Variants in KIDINS220 observed in about 807,000 individuals in gnomAD.
The protein encoded by KIDINS220 is kinase D interacting substrate 220.
A neutral mutation model predicts 157.6 loss-of-function variants in KIDINS220; 63 were observed. The observed-to-expected ratio is 0.40, with a 90% CI of 0.33 to 0.49. KIDINS220 has a LOEUF of 0.49. Among genes scored for constraint, KIDINS220 ranks in the 20% least tolerant of loss-of-function variants. The pLI is 0.66. For missense variants in KIDINS220, 1,772 were observed against 2,171.2 expected (o/e 0.82, Z 3.65); for synonymous variants, 732 against 783.6 (o/e 0.93, Z 1.10).
At chr2:8,732,442 G>A (rs979168275) in intron 29 of KIDINS220, among the ~76,000 whole-genome samples, 2 of 152,170 alleles carry the variant, frequency 1.3e-5, no homozygotes, top group Admixed American at 1.3e-4. Flanking sequence ...TTTATTTAAG[G>A]CCAAAGTCAA....
In KIDINS220 at chr2:8,762,232, T is replaced by A. The variant is rs1179793081; in HGVS notation, c.3011+8438A>T. Among the ~76,000 whole-genome samples the A allele has an allele frequency of 2.6e-5, 4 of 152,234 alleles. No individual in the cohort carries two copies. The East Asian group carries it at 7.7e-4, about 29-fold the overall frequency. On this transcript the variant is annotated intron_variant, in intron 22 of 29. Coordinates refer to ENST00000256707, the MANE Select transcript of KIDINS220 (RefSeq NM_020738.4). ...GAACTTTGGAATGTTCTATATACTTTTTCAATGTTAAATCTTTTAAGATAA... is the reference window on the plus strand; with the variant it reads ...GAACTTTGGAATGTTCTATATACTTATTCAATGTTAAATCTTTTAAGATAA...
At chr2:8,830,505 A>C (rs1256643437) in intron 1 of KIDINS220, among the ~76,000 whole-genome samples, 1 of 152,046 alleles carries the variant, frequency 6.6e-6, no homozygotes, top group African/African-American at 2.4e-5. Context: ...TGCAGCCTTG[A>C]CCTCTAGGGC....
rs190668940 is a variant in KIDINS220, at chr2:8,787,460, C to T, written c.1788-1103G>A. On this transcript the variant is annotated intron_variant, in intron 15 of 29. Transcript: ENST00000256707. ...CTTGGCTCACTGTACCCTCAACCCC[C>T]GAAGCTTAAGCAGTCCTCCCACTTC... Among the ~76,000 whole-genome samples, 68 of 151,876 alleles carry T rather than the reference C, an allele frequency of 4.5e-4. No homozygotes were observed. The East Asian group carries it at 0.012, about 26-fold the overall frequency.
At chr2:8,788,878 GATCAAGT>G in intron 14 of KIDINS220, 66 bp from the exon 15 acceptor site, 6 of 1,426,794 alleles carry the variant, frequency 4.2e-6, no homozygotes, top group Admixed American at 1.8e-5. Flanking sequence ...TTTCTCCAAA[GATCAAGT>G]ATCAAGTAAT....
chr2:8,828,686 A>G (rs1679186280), intron 1 of KIDINS220, among the ~76,000 whole-genome samples: 1 of 152,236 alleles, frequency 6.6e-6, no homozygotes, highest in Admixed American at 6.5e-5. Context: ...GTGCATAAAA[A>G]AAGAAAACTG....
chr2:8,764,629 A>G (rs1457953616), intron 22 of KIDINS220, among the ~76,000 whole-genome samples: 1 of 152,232 alleles, frequency 6.6e-6, no homozygotes, highest in East Asian at 1.9e-4. Flanking sequence ...TGTCCGGCCC[A>G]GGGATATACT....
intron 7 of KIDINS220, among the ~76,000 whole-genome samples, chr2:8,805,186 C>G (rs1675270690): frequency 6.6e-6 from 1 of 152,208 alleles, no homozygotes; most frequent in African/African-American, 2.4e-5. Flanking sequence ...CGCTATGCCA[C>G]CCTCCCAGTA....
Position 8,750,154 on chromosome 2 carries a change from A to G in KIDINS220, c.3372T>C (p.Tyr1124=), listed in dbSNP as rs1419471970. 1 of 1,614,196 alleles carries G rather than the reference A, an allele frequency of 6.2e-7. No individual in the cohort carries two copies. ...GVVSPQPHSS[Y]YSGMTGPQHP... is the part of the protein sequence containing the mutation. ...GCTGAGGGCCCGTCATGCCGCTGTA[A>G]TAGCTGCTGTGAGGCTGTGGTGACA... is the stretch of plus-strand genomic sequence containing the variant. Residue 1124 remains tyrosine, a synonymous_variant, in exon 24 of 30, where the codon TAT becomes TAC. Transcript: ENST00000256707.
intron 1 of KIDINS220, among the ~76,000 whole-genome samples, chr2:8,834,424 C>T (rs1177310932): frequency 1.3e-5 from 2 of 151,762 alleles, no homozygotes; most frequent in African/African-American, 2.4e-5. Context: ...CTCTGACCAC[C>T]GTGTATAAAT....
chr2:8,794,263 A>T (rs1673606689), intron 11 of KIDINS220: 1 of 233,278 alleles, frequency 4.3e-6, no homozygotes, highest in Non-Finnish European at 8.3e-6. Context: ...AGGAGAAGCA[A>T]CAGGCTTTCT....
Position 8,791,154 on chromosome 2 carries a change from A to C in KIDINS220, c.1347T>G (p.Asp449Glu). The change falls in exon 13 of 30, where the codon GAT becomes GAG. Residue 449 changes from aspartate to glutamate, a missense_variant. Physicochemically the swap from Asp to Glu is conservative, Grantham distance 45. Coordinates refer to ENST00000256707, the MANE Select transcript of KIDINS220 (RefSeq NM_020738.4). Reference protein sequence around the residue: ...GYDLYSSALADILSEPTMQPP... With the variant: ...GYDLYSSALAEILSEPTMQPP... ...GCTGCATGGTAGGCTCACTGAGAAT[A>C]TCTGCCAGGGCACTGCTATATAAAT... 1 of 1,614,164 alleles carries C rather than the reference A, an allele frequency of 6.2e-7. No homozygotes were observed.
chr2:8,795,988 CAG>C (rs1157120327), intron 11 of KIDINS220, among the ~76,000 whole-genome samples: 1 of 152,076 alleles, frequency 6.6e-6, no homozygotes, highest in Admixed American at 6.5e-5. Context: ...ATGGTAATGA[CAG>C]GGGGGAGGTG....
In KIDINS220 at chr2:8,776,816, G is replaced by C; in HGVS notation, c.2780C>G (p.Thr927Ser). The C allele has an allele frequency of 4.3e-6, 7 of 1,614,012 alleles. No individual in the cohort carries two copies. Among genetic ancestry groups the C allele is most frequent in the Non-Finnish European group, 5.1e-6 (6 of 1,179,952 alleles). ...MSFDLTKLLV[T>S]EDWFSDISPQ... ...ACTGATGTCACTGAACCAGTCCTCG[G>C]TAACCAGCAGTTTTGTAAGATCAAA... Residue 927 changes from threonine to serine, a missense_variant, in exon 21 of 30, where the codon ACC becomes AGC. By Grantham distance (58) the Thr-to-Ser change is moderately conservative. Around this residue, in one of 3 missense-constraint regions of KIDINS220, gnomAD observed 725 missense variants for 1,017.1 expected, o/e 0.71. Coordinates refer to ENST00000256707, the MANE Select transcript of KIDINS220 (RefSeq NM_020738.4).
At position 8,818,615 on chromosome 2, in the gene KIDINS220, CT is replaced by C. The variant is rs1345203644; in HGVS notation, c.207+79del. On this transcript the variant is annotated intron_variant, in intron 3 of 29. Coordinates refer to ENST00000256707, the MANE Select transcript of KIDINS220 (RefSeq NM_020738.4). ...ATATATGTAAAAGTTTTAATTACTA[CT>C]TTTGAATCACTTCTGAAAAACAAAA... 1.7e-5 allele frequency: 13 copies of C among 762,308 alleles called. No homozygotes were observed. The African/African-American group carries it at 1.8e-4, about 11-fold the overall frequency. The allele number at this position is 762,308 out of a possible 1,614,324, so 47.2% of individuals were successfully genotyped here. A position where few individuals can be genotyped will look rare whatever the true frequency, so the allele number is the denominator to read the frequency against.
chr2:8,799,973 G>A (rs1674468428), intron 9 of KIDINS220, among the ~76,000 whole-genome samples: 1 of 152,118 alleles, frequency 6.6e-6, no homozygotes. Context: ...AGGCACAGTG[G>A]GGAAAAGGGA....
intron 1 of KIDINS220, among the ~76,000 whole-genome samples, chr2:8,833,707 G>A (rs1032942660): frequency 1.3e-5 from 2 of 151,976 alleles, no homozygotes; most frequent in Non-Finnish European, 1.5e-5. Flanking sequence ...TCTCTCTAAT[G>A]GGAATATAAG....
intron 1 of KIDINS220, among the ~76,000 whole-genome samples, chr2:8,835,677 A>T (rs1294007456): frequency 6.6e-6 from 1 of 151,762 alleles, no homozygotes; most frequent in Non-Finnish European, 1.5e-5. Context: ...AAAAAAAAAA[A>T]AAAAAGTTGC....
At chr2:8,803,843 T>G (rs1054056414) in intron 7 of KIDINS220, among the ~76,000 whole-genome samples, 3 of 152,076 alleles carry the variant, frequency 2.0e-5, no homozygotes, top group Non-Finnish European at 4.4e-5. Flanking sequence ...ACTCTGTCTC[T>G]AAATAAACAA....
intron 26 of KIDINS220, among the ~76,000 whole-genome samples, chr2:8,744,386 A>T (rs1465375604): frequency 0.022 from 575 of 26,624 alleles, 14 homozygotes; most frequent in East Asian, 0.026. Flanking sequence ...AAAAAAAAAA[A>T]AAATATATAT....
Sources: allele counts gnomAD v4.1 joint callset (sites outside exome capture counted in the v4.1 genomes callset), GRCh38; gene constraint gnomAD v4.1.1; regional missense constraint gnomAD v4.1.1; transcripts MANE v1.5; gene names NCBI Gene and HGNC (gene_info 2026-07-23, HGNC 2026-07-21).